The following GRIA1 variants were observed in gnomAD, a reference collection of about 807,000 sequenced individuals.
GRIA1 encodes glutamate ionotropic receptor AMPA type subunit 1.
GRIA1 carries 31 observed loss-of-function variants against 99.2 expected under a neutral mutation model. The ratio of observed to expected loss-of-function variants is 0.31; its 90% CI spans 0.23 to 0.42. GRIA1 has a LOEUF of 0.42. Ranked by LOEUF, GRIA1 falls within the 10% of genes least tolerant of loss-of-function variation. GRIA1 has a pLI of 1.00. For missense variants in GRIA1, 782 were observed against 1,157.5 expected (o/e 0.68, Z 4.71); for synonymous variants, 438 against 432.4 (o/e 1.01, Z -0.16).
intron 2 of GRIA1, among the ~76,000 whole-genome samples, chr5:153,580,787 G>T (rs1165685844): frequency 6.6e-6 from 1 of 152,166 alleles, no homozygotes; most frequent in East Asian, 1.9e-4. Context: ...AGAGGAGCAT[G>T]GAGTGGGTGA....
Position 153,588,556 on chromosome 5 carries a change from G to A in GRIA1, c.221-58372G>A, listed in dbSNP as rs142432780. 8.4e-3 allele frequency among the ~76,000 whole-genome samples: 1,284 copies of A among 152,314 alleles called. 12 individuals are homozygous for A. The highest frequency in any genetic ancestry group is 0.019 in the African/African-American group (792 of 41,574). On this transcript the variant is annotated intron_variant, in intron 2 of 15. Transcript: ENST00000285900. ...GGAGCTTTGGAGTCAAATAGCTGAT[G>A]TAAATCTTGTTTCTTCCATTTTCTG...
At chr5:153,719,113 G>A (rs1759867853) in intron 11 of GRIA1, among the ~76,000 whole-genome samples, 1 of 152,156 alleles carries the variant, frequency 6.6e-6, no homozygotes, top group Middle Eastern at 3.2e-3. Context: ...CATCTCAAGA[G>A]TGATGGATAT....
intron 2 of GRIA1, among the ~76,000 whole-genome samples, chr5:153,553,667 C>T (rs867381771): frequency 3.9e-5 from 6 of 152,238 alleles, no homozygotes; most frequent in Admixed American, 6.5e-5. Context: ...TACCAGTATT[C>T]GTAGAACCAT....
intron 7 of GRIA1, among the ~76,000 whole-genome samples, chr5:153,683,317 CTTTGT>C (rs1757117608): frequency 6.6e-6 from 1 of 152,300 alleles, no homozygotes; most frequent in South Asian, 2.1e-4. Flanking sequence ...TTCTCTGATA[CTTTGT>C]TTTATCTCAG....
intron 13 of GRIA1, among the ~76,000 whole-genome samples, chr5:153,787,390 T>A (rs1461390474): frequency 6.6e-6 from 1 of 152,218 alleles, no homozygotes; most frequent in Non-Finnish European, 1.5e-5. Context: ...ATGCCATGTA[T>A]GTCACCATGT....
intron 11 of GRIA1, among the ~76,000 whole-genome samples, chr5:153,729,947 G>A (rs895187102): frequency 1.3e-5 from 2 of 152,058 alleles, no homozygotes; most frequent in African/African-American, 4.8e-5. Context: ...ACATACACAT[G>A]TATGCAATTA....
chr5:153,558,531 T>C (rs1005391756), intron 2 of GRIA1, among the ~76,000 whole-genome samples: 4 of 152,026 alleles, frequency 2.6e-5, no homozygotes, highest in African/African-American at 4.8e-5. Flanking sequence ...TTAGATTCAT[T>C]TTGAGATCCG....
rs34171571 is a variant in GRIA1 at position 153,775,753 on chromosome 5, CA to C, written c.2270+5353del. Reference sequence around the variant, plus strand: ...ATGCCATAAGAGAGCCAGAAACACTCAAAAAAAAAAAAAAAGGAGGAGAGTC... The same window carrying C: ...ATGCCATAAGAGAGCCAGAAACACTCAAAAAAAAAAAAAAGGAGGAGAGTC... On this transcript the variant is annotated intron_variant, in intron 13 of 15. Coordinates refer to ENST00000285900, the MANE Select transcript of GRIA1 (RefSeq NM_000827.4). Among the ~76,000 whole-genome samples the C allele has an allele frequency of 6.5e-3, 765 of 118,414 alleles. 5 individuals are homozygous for C. The highest frequency in any genetic ancestry group is 0.016 in the African/African-American group (491 of 31,136). The allele number at this position is 118,414 out of a possible 152,430, so 77.7% of individuals were successfully genotyped here. A position where few individuals can be genotyped will look rare whatever the true frequency, so the allele number is the denominator to read the frequency against.
chr5:153,561,713 G>T (rs1478846740), intron 2 of GRIA1, among the ~76,000 whole-genome samples: 1 of 152,184 alleles, frequency 6.6e-6, no homozygotes, highest in Admixed American at 6.5e-5. Flanking sequence ...ATAAGTCTCA[G>T]TATAGGAGAA....
chr5:153,656,415 T>TATATATATA, intron 5 of GRIA1, among the ~76,000 whole-genome samples: 1 of 88,350 alleles, frequency 1.1e-5, no homozygotes, highest in South Asian at 5.2e-4. Context: ...ATATATATAT[T>TATATATATA]TGTTTTAATG....
Position 153,802,461 on chromosome 5 carries a change from A to G in GRIA1, c.2491A>G (p.Lys831Glu), listed in dbSNP as rs1766107752. The G allele has an allele frequency of 6.2e-7, 1 of 1,613,884 alleles. No homozygotes were observed. The highest frequency in any genetic ancestry group is 8.5e-7 in the Non-Finnish European group (1 of 1,179,974). ...GGTTGCCTTAATCGAGTTCTGCTACAAATCCCGTAGTGAATCCAAGCGGAT... is the reference window on the plus strand; with the variant it reads ...GGTTGCCTTAATCGAGTTCTGCTACGAATCCCGTAGTGAATCCAAGCGGAT... ...MLVALIEFCY[K>E]SRSESKRMKG... is the part of the protein sequence containing the mutation. Residue 831 changes from lysine (K) to glutamate (E), a missense_variant, in exon 15 of 16, where the codon AAA becomes GAA. Transcript: ENST00000285900.
intron 11 of GRIA1, among the ~76,000 whole-genome samples, chr5:153,738,678 G>C (rs1176207329): frequency 1.4e-5 from 2 of 147,632 alleles, no homozygotes; most frequent in East Asian, 3.9e-4. Flanking sequence ...AATCATCTCT[G>C]ATCTGGGCTC....
chr5:153,718,303 G>A (rs759683340), intron 11 of GRIA1, among the ~76,000 whole-genome samples: 3 of 152,180 alleles, frequency 2.0e-5, no homozygotes, highest in Non-Finnish European at 4.4e-5. Context: ...AGATCACTGA[G>A]GACTAAAATG....
At chr5:153,664,917 T>G (rs1755636349) in intron 5 of GRIA1, among the ~76,000 whole-genome samples, 1 of 152,234 alleles carries the variant, frequency 6.6e-6, no homozygotes, top group Non-Finnish European at 1.5e-5. Context: ...TATGAGTATT[T>G]GCTTGGCCTT....
chr5:153,741,225 C>T (rs532245899), intron 11 of GRIA1, among the ~76,000 whole-genome samples: 104 of 151,372 alleles, frequency 6.9e-4, no homozygotes, highest in Non-Finnish European at 1.2e-3. Context: ...CCGCCCACCT[C>T]GGCCTCCCAA....
chr5:153,790,516 C>T (rs1296407202), intron 13 of GRIA1, among the ~76,000 whole-genome samples: 1 of 152,080 alleles, frequency 6.6e-6, no homozygotes, highest in Non-Finnish European at 1.5e-5. Context: ...AGAACAGCAC[C>T]TTCCAAACAC....
chr5:153,696,188 C>T (rs1413970583), intron 8 of GRIA1, among the ~76,000 whole-genome samples: 8 of 152,178 alleles, frequency 5.3e-5, no homozygotes, highest in Admixed American at 3.3e-4. Context: ...TTCCACGTCT[C>T]GCTTTCTGCA....
At chr5:153,519,241 G>A (rs1421482912) in intron 2 of GRIA1, among the ~76,000 whole-genome samples, 10 of 151,850 alleles carry the variant, frequency 6.6e-5, no homozygotes, top group African/African-American at 2.2e-4. Flanking sequence ...CAGCCTGGAC[G>A]ACAGAGCGAG....
At chr5:153,528,182 A>G (rs1757779750) in intron 2 of GRIA1, among the ~76,000 whole-genome samples, 1 of 152,170 alleles carries the variant, frequency 6.6e-6, no homozygotes, top group Non-Finnish European at 1.5e-5. Flanking sequence ...ACATATAGAC[A>G]TTATTTTATG....
Sources: gnomAD v4.1 joint callset for allele counts (sites outside exome capture counted in the v4.1 genomes callset) on GRCh38, gnomAD v4.1.1 for gene constraint, MANE v1.5 for transcripts, NCBI Gene and HGNC (gene_info 2026-07-23, HGNC 2026-07-21) for gene names.